The following RGPD2 variants were observed in gnomAD, a reference collection of about 807,000 sequenced individuals.
RGPD2 encodes the protein RANBP2 like and GRIP domain containing 2.
In RGPD2, 2 loss-of-function variants were observed where a neutral mutation model predicts 36.0. The observed-to-expected ratio is 0.06, with a 90% CI of 0.02 to 0.17. The LOEUF (loss-of-function observed/expected upper bound fraction) is 0.17, where lower values mean the gene tolerates loss of function less well. Among genes scored for constraint, RGPD2 ranks in the 10% least tolerant of loss-of-function variants. The pLI is 1.00. For missense variants in RGPD2, 40 were observed against 464.3 expected (o/e 0.09, Z 8.40); for synonymous variants, 19 against 163.8 (o/e 0.12, Z 6.75).
the RGPD2 span, among the ~76,000 whole-genome samples, chr2:87,922,218 G>A: frequency 4.3e-4 from 63 of 148,046 alleles, no homozygotes; most frequent in Non-Finnish European, 6.8e-4. Context: ...GCTTGAACCC[G>A]GGAGGCGGAG....
chr2:87,973,616 T>C, the RGPD2 span, among the ~76,000 whole-genome samples: 7 of 138,504 alleles, frequency 5.1e-5, no homozygotes, highest in East Asian at 2.1e-4. Context: ...AGGGGCAGTA[T>C]TGGGGGACTG....
the RGPD2 span, among the ~76,000 whole-genome samples, chr2:87,937,953 A>C: frequency 6.6e-6 from 1 of 151,736 alleles, no homozygotes; most frequent in Non-Finnish European, 1.5e-5. Flanking sequence ...GAGGAAGTAA[A>C]CTTAGTTGGA....
the RGPD2 span, among the ~76,000 whole-genome samples, chr2:87,919,870 C>A: frequency 1.3e-5 from 2 of 151,456 alleles, no homozygotes; most frequent in African/African-American, 4.9e-5. Flanking sequence ...AATATAAGTA[C>A]CTTGCCCTAA....
chr2:87,876,490 A>G, the RGPD2 span, among the ~76,000 whole-genome samples: 2 of 152,264 alleles, frequency 1.3e-5, no homozygotes, highest in East Asian at 3.8e-4. Flanking sequence ...TATTTACCCA[A>G]GAGTCATTAA....
the RGPD2 span, among the ~76,000 whole-genome samples, chr2:87,913,853 T>A: frequency 6.6e-6 from 1 of 152,090 alleles, no homozygotes; most frequent in South Asian, 2.1e-4. Context: ...TCAAATACTT[T>A]AGAGTTAATA....
the RGPD2 span, among the ~76,000 whole-genome samples, chr2:87,947,532 T>TC: frequency 1.3e-5 from 2 of 152,214 alleles, no homozygotes; most frequent in African/African-American, 4.8e-5. Flanking sequence ...TGTGTTTTCT[T>TC]CCCCAAGAAA....
the RGPD2 span, among the ~76,000 whole-genome samples, chr2:87,930,786 A>G: frequency 6.8e-6 from 1 of 147,678 alleles, no homozygotes; most frequent in East Asian, 2.0e-4. Flanking sequence ...TCCTGGTTCA[A>G]TCTTGAAAGG....
the RGPD2 span, chr2:87,985,975 C>G: frequency 8.1e-7 from 1 of 1,239,978 alleles, no homozygotes; most frequent in Non-Finnish European, 1.1e-6. Flanking sequence ...TTTCCCCTTT[C>G]AATAACCAAG....
At chr2:87,988,408 C>T in the RGPD2 span, among the ~76,000 whole-genome samples, 6 of 50,546 alleles carry the variant, frequency 1.2e-4, no homozygotes, top group East Asian at 9.3e-4. Context: ...AAATTAAAAA[C>T]ATCATTAATA....
the RGPD2 span, among the ~76,000 whole-genome samples, chr2:87,952,845 T>C: frequency 6.6e-6 from 1 of 151,638 alleles, no homozygotes; most frequent in Admixed American, 6.6e-5. Flanking sequence ...TCTCCCTCCT[T>C]GGCAGGGTAG....
chr2:87,971,720 G>A, the RGPD2 span, among the ~76,000 whole-genome samples: 2 of 151,760 alleles, frequency 1.3e-5, no homozygotes, highest in Admixed American at 6.6e-5. Context: ...ATTCAAGAAT[G>A]TGAGTATGAT....
At chr2:87,866,266 A>G in the RGPD2 span, among the ~76,000 whole-genome samples, 2 of 151,622 alleles carry the variant, frequency 1.3e-5, no homozygotes, top group African/African-American at 4.8e-5. Context: ...TATTTTATCT[A>G]AATTTGTATA....
At chr2:87,978,993 G>C in the RGPD2 span, among the ~76,000 whole-genome samples, 1 of 150,050 alleles carries the variant, frequency 6.7e-6, no homozygotes, top group Non-Finnish European at 1.5e-5. Flanking sequence ...TCAGCACTTT[G>C]GGAGGTCAAC....
the RGPD2 span, chr2:87,985,778 A>G: frequency 6.2e-7 from 1 of 1,610,844 alleles, no homozygotes; most frequent in East Asian, 2.2e-5. Context: ...CGTTCATGAG[A>G]CAAGTCACAA....
chr2:87,861,134 GTTTT>G, the RGPD2 span, among the ~76,000 whole-genome samples: 1 of 116,656 alleles, frequency 8.6e-6, no homozygotes, highest in Non-Finnish European at 1.8e-5. Context: ...TTGTGTAAGT[GTTTT>G]TTTTTTTTTT....
chr2:87,769,286 G>A (rs1490783398), intron 22 of RGPD2, among the ~76,000 whole-genome samples: 6 of 151,686 alleles, frequency 4.0e-5, no homozygotes, highest in Admixed American at 1.3e-4. Flanking sequence ...CTCTCTTAAA[G>A]AGAAAATGTA....
At chr2:87,929,145 A>G in the RGPD2 span, among the ~76,000 whole-genome samples, 1 of 151,842 alleles carries the variant, frequency 6.6e-6, no homozygotes, top group African/African-American at 2.4e-5. Context: ...CCTGAATGAT[A>G]TTGCCTAAGT....
chr2:87,917,027 A>C, the RGPD2 span, among the ~76,000 whole-genome samples: 1 of 152,094 alleles, frequency 6.6e-6, no homozygotes, highest in South Asian at 2.1e-4. Flanking sequence ...TTGAGTAGTG[A>C]CTTGACGAAA....
the RGPD2 span, among the ~76,000 whole-genome samples, chr2:87,940,725 G>C: frequency 6.7e-6 from 1 of 149,176 alleles, no homozygotes; most frequent in Non-Finnish European, 1.5e-5. Flanking sequence ...CTGTACATGA[G>C]AATTCTAAAA....
Sources: allele counts gnomAD v4.1 joint callset (sites outside exome capture counted in the v4.1 genomes callset), GRCh38; gene constraint gnomAD v4.1.1; transcripts MANE v1.5; gene names NCBI Gene and HGNC (gene_info 2026-07-23, HGNC 2026-07-21).